Variants in AGBL4 observed in about 807,000 individuals in gnomAD.
AGBL4 encodes the protein AGBL carboxypeptidase 4.
In AGBL4, 58 loss-of-function variants were observed where a neutral mutation model predicts 66.4. That is an observed-to-expected ratio of 0.87 (90% confidence interval 0.71 to 1.09). The LOEUF is 1.09. Among genes scored for constraint, AGBL4 ranks in the 50% least tolerant of loss-of-function variants. AGBL4 has a pLI of 0.00. For synonymous variants in AGBL4, 234 were observed against 222.9 expected (o/e 1.05, Z -0.44); for missense variants, 579 against 631.0 (o/e 0.92, Z 0.88).
At chr1:48,776,858 C>T (rs1019507900) in intron 6 of AGBL4, 1 of 1,379,388 alleles carries the variant, frequency 7.2e-7, no homozygotes, top group Admixed American at 2.8e-5. Context: ...GGGCCCCGGT[C>T]GGGCAGCTCA....
intron 3 of AGBL4, among the ~76,000 whole-genome samples, chr1:49,380,807 A>C (rs1644587429): frequency 6.6e-6 from 1 of 152,194 alleles, no homozygotes; most frequent in African/African-American, 2.4e-5. Flanking sequence ...GACAGCTGAA[A>C]CTGGATCCCT....
intron 5 of AGBL4, among the ~76,000 whole-genome samples, chr1:48,904,580 A>T (rs1652405176): frequency 6.6e-6 from 1 of 152,124 alleles, no homozygotes; most frequent in African/African-American, 2.4e-5. Context: ...AGCTCAACAA[A>T]TTCTTGGTTG....
chr1:48,723,176 C>T (rs1165440660), intron 6 of AGBL4, among the ~76,000 whole-genome samples: 1 of 152,144 alleles, frequency 6.6e-6, no homozygotes, highest in Non-Finnish European at 1.5e-5. Flanking sequence ...ATATGACAGC[C>T]ACCTTCAACT....
chr1:49,841,973 C>T, intron 2 of AGBL4: 1 of 508,718 alleles, frequency 2.0e-6, no homozygotes, highest in Non-Finnish European at 3.6e-6. Context: ...CTGGCCTCGT[C>T]CTTGCACACA....
intron 4 of AGBL4, among the ~76,000 whole-genome samples, chr1:49,093,155 C>T (rs1645031113): frequency 6.6e-6 from 1 of 152,042 alleles, no homozygotes; most frequent in African/African-American, 2.4e-5. Context: ...AGAGAGCATA[C>T]CATGTTCCTC....
intron 2 of AGBL4, among the ~76,000 whole-genome samples, chr1:49,835,101 A>G (rs1645811753): frequency 6.6e-6 from 1 of 152,072 alleles, no homozygotes. Flanking sequence ...CTTGGTCAAG[A>G]GCTGAGTTCA....
chr1:49,228,461 G>C (rs888787491), intron 4 of AGBL4, among the ~76,000 whole-genome samples: 1 of 152,180 alleles, frequency 6.6e-6, no homozygotes, highest in African/African-American at 2.4e-5. Context: ...AGGATAAGTA[G>C]GGTAGATGCC....
intron 3 of AGBL4, among the ~76,000 whole-genome samples, chr1:49,474,532 C>A (rs1646809812): frequency 6.6e-6 from 1 of 151,892 alleles, no homozygotes; most frequent in South Asian, 2.1e-4. Flanking sequence ...GGGACCACAG[C>A]CACATGTTTC....
intron 3 of AGBL4, among the ~76,000 whole-genome samples, chr1:49,578,980 C>T (rs1644490652): frequency 1.3e-5 from 2 of 152,108 alleles, no homozygotes; most frequent in African/African-American, 4.8e-5. Flanking sequence ...GGGTGGGTGC[C>T]ATCTAATCAG....
At chr1:49,792,978 TA>T (rs1390444163) in intron 2 of AGBL4, among the ~76,000 whole-genome samples, 2 of 152,054 alleles carry the variant, frequency 1.3e-5, no homozygotes, top group Non-Finnish European at 2.9e-5. Flanking sequence ...AAGGAGAAAT[TA>T]TTAGTGCATA....
chr1:48,993,724 T>C (rs1660785998), intron 5 of AGBL4, among the ~76,000 whole-genome samples: 1 of 152,194 alleles, frequency 6.6e-6, no homozygotes, highest in South Asian at 2.1e-4. Context: ...GCCTAAATGC[T>C]CCCTCCATGA....
chr1:49,573,885 A>G (rs946138347), intron 3 of AGBL4, among the ~76,000 whole-genome samples: 1 of 152,136 alleles, frequency 6.6e-6, no homozygotes, highest in Non-Finnish European at 1.5e-5. Context: ...CTTTTTTGCC[A>G]GAAGGAACAG....
At chr1:49,777,453 T>C (rs1417393870) in intron 2 of AGBL4, among the ~76,000 whole-genome samples, 1 of 152,210 alleles carries the variant, frequency 6.6e-6, no homozygotes, top group Non-Finnish European at 1.5e-5. Flanking sequence ...TAGAATTTAA[T>C]GCACAAACTT....
At position 48,736,127 on chromosome 1, in the gene AGBL4, G is replaced by T; in HGVS notation, c.635-72886C>A. 1 of 1,256,714 alleles carries T rather than the reference G, an allele frequency of 8.0e-7. No homozygotes were observed. The highest frequency in any genetic ancestry group is 1.1e-6 in the Non-Finnish European group (1 of 874,830). 77.8% of individuals were successfully genotyped at this position (1,256,714 alleles called of 1,614,324 possible). A position where few individuals can be genotyped will look rare whatever the true frequency, so the allele number is the denominator to read the frequency against. On this transcript the variant is annotated intron_variant, in intron 6 of 13. Coordinates refer to ENST00000371839, the MANE Select transcript of AGBL4 (RefSeq NM_032785.4). The surrounding 1 kb of genome is among the most constrained non-coding windows in gnomAD (Gnocchi z 4.0). ...TTGGTGTCCCCGGGCTCAGCCCAGG[G>T]TCTGGCATGCAGAAGCTTCATAAGT...
intron 3 of AGBL4, among the ~76,000 whole-genome samples, chr1:49,655,915 G>A (rs746781012): frequency 3.3e-5 from 5 of 152,312 alleles, no homozygotes; most frequent in East Asian, 1.9e-4. Flanking sequence ...TTGGGAGGCC[G>A]AGGTGGGCAG....
At chr1:50,005,638 G>A (rs908488118) in intron 1 of AGBL4, among the ~76,000 whole-genome samples, 9 of 152,126 alleles carry the variant, frequency 5.9e-5, no homozygotes, top group African/African-American at 1.9e-4. Flanking sequence ...AGGAAGACAT[G>A]ACCTCAAACA....
At chr1:49,971,369 C>T (rs1035648531) in intron 1 of AGBL4, among the ~76,000 whole-genome samples, 1 of 152,098 alleles carries the variant, frequency 6.6e-6, no homozygotes, top group Admixed American at 6.5e-5. Context: ...TATCACAGTA[C>T]TTGTGTTAAG....
intron 1 of AGBL4, among the ~76,000 whole-genome samples, chr1:49,972,045 G>C (rs1658170929): frequency 6.7e-6 from 1 of 150,216 alleles, no homozygotes; most frequent in Non-Finnish European, 1.5e-5. Flanking sequence ...AGCCTCCCGA[G>C]TAGCTGGGAC....
At chr1:48,880,885 A>G (rs570941389) in intron 5 of AGBL4, among the ~76,000 whole-genome samples, 1 of 152,328 alleles carries the variant, frequency 6.6e-6, no homozygotes, top group South Asian at 2.1e-4. Context: ...TTTATATAAT[A>G]AGAATTTTTC....
Sources: gnomAD v4.1 joint callset for allele counts (sites outside exome capture counted in the v4.1 genomes callset) on GRCh38, gnomAD v4.1.1 for gene constraint, Gnocchi (gnomAD v3.1) non-coding constraint, MANE v1.5 for transcripts, NCBI Gene and HGNC (gene_info 2026-07-23, HGNC 2026-07-21) for gene names.